Variants in RAD51B observed in about 807,000 individuals in gnomAD.
The protein encoded by RAD51B is DNA repair protein RAD51 homolog 2.
In RAD51B, 38 loss-of-function variants were observed where a neutral mutation model predicts 42.2. The observed-to-expected ratio is 0.90, with a 90% CI of 0.70 to 1.18. The LOEUF (loss-of-function observed/expected upper bound fraction) is 1.18, where lower values mean the gene tolerates loss of function less well. RAD51B is among the 50% of genes most tolerant of loss of function. RAD51B has a pLI of 0.00. For missense variants in RAD51B, 373 were observed against 400.7 expected (o/e 0.93, Z 0.59); for synonymous variants, 154 against 145.2 (o/e 1.06, Z -0.43).
intron 7 of RAD51B, among the ~76,000 whole-genome samples, chr14:68,135,991 T>G (rs2140701478): frequency 6.6e-6 from 1 of 152,314 alleles, no homozygotes; most frequent in East Asian, 1.9e-4. Context: ...TTTAAAAATC[T>G]TGGTCCTTAT....
chr14:68,426,907 T>C (rs1014972226), intron 9 of RAD51B, among the ~76,000 whole-genome samples: 1 of 152,094 alleles, frequency 6.6e-6, no homozygotes, highest in Admixed American at 6.6e-5. Context: ...CAGGGTACCA[T>C]CCACAGGCTG....
chr14:68,310,011 G>A (rs1481474327), intron 8 of RAD51B, among the ~76,000 whole-genome samples: 2 of 152,214 alleles, frequency 1.3e-5, no homozygotes, highest in Non-Finnish European at 2.9e-5. Flanking sequence ...AAGATTATAA[G>A]GTATTATTTG....
intron 7 of RAD51B, among the ~76,000 whole-genome samples, chr14:67,992,238 T>C (rs1297025373): frequency 6.6e-6 from 1 of 152,200 alleles, no homozygotes; most frequent in Non-Finnish European, 1.5e-5. Context: ...GGAGTCATAA[T>C]AGCTGTCTCC....
chr14:68,098,048 G>A lies in RAD51B; in HGVS notation c.757-193836G>A, dbSNP rs146780750. Among the ~76,000 whole-genome samples, 61 of 152,224 alleles carry A rather than the reference G, an allele frequency of 4.0e-4. 1 individual carries two copies. The East Asian group carries it at 0.011, about 28-fold the overall frequency. On this transcript the variant is annotated intron_variant, in intron 7 of 10. Coordinates refer to ENST00000471583, the MANE Select transcript of RAD51B (RefSeq NM_133510.4). ...TCGGATTCAGATGTCTTTCCTACTT[G>A]TTCTCATAGACATTTATGTACAGTC...
intron 10 of RAD51B, among the ~76,000 whole-genome samples, chr14:68,648,112 CGT>C (rs1491350160): frequency 0.13 from 5,273 of 39,480 alleles, 355 homozygotes; most frequent in African/African-American, 0.18. Flanking sequence ...TATACACACA[CGT>C]ATATATATAT....
chr14:68,264,741 A>T (rs4902562), intron 7 of RAD51B, among the ~76,000 whole-genome samples: 7 of 151,994 alleles, frequency 4.6e-5, no homozygotes, highest in Non-Finnish European at 8.8e-5. Flanking sequence ...GGATTAGAGC[A>T]TGCTGAATGA....
intron 7 of RAD51B, among the ~76,000 whole-genome samples, chr14:67,895,756 A>G (rs1241234588): frequency 6.6e-6 from 1 of 152,056 alleles, no homozygotes; most frequent in Non-Finnish European, 1.5e-5. Flanking sequence ...TCTGGCTCCA[A>G]CCTACTCCTC....
rs184882840 is a variant in RAD51B at position 68,274,928 on chromosome 14, C to A, written c.757-16956C>A. 2.3e-3 allele frequency among the ~76,000 whole-genome samples: 357 copies of A among 152,210 alleles called. 1 individual carries two copies. The highest frequency in any genetic ancestry group is 1.9e-3 in the Non-Finnish European group (126 of 68,004). On this transcript the variant is annotated intron_variant, in intron 7 of 10. Transcript: ENST00000471583. The stretch of plus-strand genomic sequence containing the variant: ...AGGCAAAAACACTCTATAGGTGGTG[C>A]TAGTACTTCCTATTTTATCATGTCA...
At chr14:67,947,348 A>G (rs1274798655) in intron 7 of RAD51B, among the ~76,000 whole-genome samples, 4 of 152,170 alleles carry the variant, frequency 2.6e-5, no homozygotes, top group Non-Finnish European at 5.9e-5. Context: ...TCATTCATGG[A>G]TTGATGGCAA....
chr14:68,514,924 T>C (rs1199856091), intron 10 of RAD51B, among the ~76,000 whole-genome samples: 1 of 152,164 alleles, frequency 6.6e-6, no homozygotes, highest in Non-Finnish European at 1.5e-5. Flanking sequence ...ATTCTTGCAC[T>C]CTCTTAAATA....
chr14:67,909,462 C>CT (rs1462910963), intron 7 of RAD51B, among the ~76,000 whole-genome samples: 2 of 152,152 alleles, frequency 1.3e-5, no homozygotes, highest in African/African-American at 4.8e-5. Context: ...AAAAATGAAT[C>CT]TTTCCTGTGA....
intron 8 of RAD51B, among the ~76,000 whole-genome samples, chr14:68,361,912 G>A (rs1361564991): frequency 6.6e-6 from 1 of 152,148 alleles, no homozygotes; most frequent in East Asian, 1.9e-4. Flanking sequence ...CTGACCTCAA[G>A]CGATCCTCCC....
At chr14:68,296,582 C>T (rs947599922) in intron 8 of RAD51B, among the ~76,000 whole-genome samples, 26 of 152,186 alleles carry the variant, frequency 1.7e-4, no homozygotes, top group Admixed American at 1.4e-3. Flanking sequence ...ATTCCAAAGT[C>T]ACCTGGGATT....
In RAD51B at chr14:68,011,353, C is replaced by T. The variant is rs113336042; in HGVS notation, c.756+124149C>T. Among the ~76,000 whole-genome samples the T allele has an allele frequency of 3.9e-3, 588 of 152,158 alleles. 6 individuals are homozygous for T. Among genetic ancestry groups the T allele is most frequent in the African/African-American group, 0.013 (554 of 41,556 alleles). ...ATACAGATGAGTTCATTTCCTCACTCCCATATCCATTCCAGTTTCTAAGAG... is the reference window on the plus strand; with the variant it reads ...ATACAGATGAGTTCATTTCCTCACTTCCATATCCATTCCAGTTTCTAAGAG... On this transcript the variant is annotated intron_variant, in intron 7 of 10. Coordinates refer to ENST00000471583, the MANE Select transcript of RAD51B (RefSeq NM_133510.4).
chr14:68,024,119 C>T (rs2075913157), intron 7 of RAD51B, among the ~76,000 whole-genome samples: 1 of 151,996 alleles, frequency 6.6e-6, no homozygotes, highest in Non-Finnish European at 1.5e-5. Context: ...TTTCCTATTG[C>T]TTGTTGTCAG....
intron 7 of RAD51B, among the ~76,000 whole-genome samples, chr14:68,089,407 C>T (rs554247047): frequency 1.0e-3 from 159 of 152,202 alleles, no homozygotes; most frequent in Non-Finnish European, 1.1e-3. Context: ...CCTTTTTCGC[C>T]TTTTCCTGTG....
chr14:68,137,234 C>A lies in RAD51B; in HGVS notation c.757-154650C>A, dbSNP rs138976667. Among the ~76,000 whole-genome samples, 97 of 152,278 alleles carry A rather than the reference C, an allele frequency of 6.4e-4. 1 individual carries two copies. The East Asian group carries it at 0.017, about 27-fold the overall frequency. ...GAGGTTGCAGTGAGCCGAGACCACG[C>A]CACTGCACTCCTGATAGAAGGAAAA... On this transcript the variant is annotated intron_variant, in intron 7 of 10. Coordinates refer to ENST00000471583, the MANE Select transcript of RAD51B (RefSeq NM_133510.4).
intron 7 of RAD51B, among the ~76,000 whole-genome samples, chr14:68,112,623 G>T (rs1231304799): frequency 6.6e-6 from 1 of 152,070 alleles, no homozygotes; most frequent in Non-Finnish European, 1.5e-5. Flanking sequence ...ATTGTTTTTA[G>T]TGCAGACATA....
chr14:68,228,865 T>TC (rs1240476071), intron 7 of RAD51B, among the ~76,000 whole-genome samples: 2 of 152,182 alleles, frequency 1.3e-5, no homozygotes, highest in African/African-American at 4.8e-5. Context: ...ATTGCTAAGG[T>TC]TCCTTCCAGG....
Sources: allele counts gnomAD v4.1 joint callset (sites outside exome capture counted in the v4.1 genomes callset), GRCh38; gene constraint gnomAD v4.1.1; transcripts MANE v1.5; gene names NCBI Gene and HGNC (gene_info 2026-07-23, HGNC 2026-07-21).